ARHGAP42: variants seen among roughly 807,000 people sequenced by gnomAD.
ARHGAP42 encodes Rho GTPase activating protein 42.
Under a neutral mutation model 125.0 loss-of-function variants are expected in ARHGAP42, and 63 were observed. The ratio of observed to expected loss-of-function variants is 0.50; its 90% CI spans 0.41 to 0.62. ARHGAP42 has a LOEUF of 0.62. ARHGAP42 is among the 20% of genes least tolerant of loss of function. The pLI, the probability that ARHGAP42 is intolerant of heterozygous loss-of-function variation, is 0.00. For synonymous variants in ARHGAP42, 339 were observed against 351.0 expected (o/e 0.97, Z 0.38); for missense variants, 766 against 1,024.2 (o/e 0.75, Z 3.44).
chr11:100,730,240 A>T (rs1861933724), intron 1 of ARHGAP42, among the ~76,000 whole-genome samples: 1 of 152,018 alleles, frequency 6.6e-6, no homozygotes, highest in South Asian at 2.1e-4. Context: ...TTTTTAATCA[A>T]GTACAAAGCA....
intron 3 of ARHGAP42, among the ~76,000 whole-genome samples, chr11:100,838,077 G>T (rs1864858308): frequency 6.6e-6 from 1 of 151,846 alleles, no homozygotes; most frequent in Non-Finnish European, 1.5e-5. Context: ...CTGTCTGTTT[G>T]TTTTTGTTTG....
At chr11:100,747,739 G>A (rs1364172340) in intron 1 of ARHGAP42, among the ~76,000 whole-genome samples, 1 of 151,992 alleles carries the variant, frequency 6.6e-6, no homozygotes, top group Admixed American at 6.5e-5. Context: ...TACACACCTT[G>A]CACATAAACT....
chr11:100,732,629 G>C (rs1261850916), intron 1 of ARHGAP42, among the ~76,000 whole-genome samples: 1 of 152,196 alleles, frequency 6.6e-6, no homozygotes, highest in African/African-American at 2.4e-5. Flanking sequence ...TCCTGGACAA[G>C]ATTGATAGGT....
chr11:100,883,351 ATTT>A (rs929458819), intron 4 of ARHGAP42, among the ~76,000 whole-genome samples: 3 of 151,866 alleles, frequency 2.0e-5, no homozygotes, highest in African/African-American at 7.3e-5. Context: ...TTTGTTTTTT[ATTT>A]TTTGAGACAG....
chr11:100,878,544 G>C (rs1419324286), intron 4 of ARHGAP42, among the ~76,000 whole-genome samples: 1 of 152,114 alleles, frequency 6.6e-6, no homozygotes, highest in Non-Finnish European at 1.5e-5. Context: ...TTTGTTTGTG[G>C]GTGAGGGAAA....
At chr11:100,832,248 A>G (rs973806916) in intron 3 of ARHGAP42, among the ~76,000 whole-genome samples, 1 of 152,202 alleles carries the variant, frequency 6.6e-6, no homozygotes, top group Non-Finnish European at 1.5e-5. Context: ...ACTCTGCAGA[A>G]CTGAACGAGG....
chr11:100,767,857 C>A (rs1334029877), intron 1 of ARHGAP42, among the ~76,000 whole-genome samples: 32 of 152,060 alleles, frequency 2.1e-4, no homozygotes, highest in Admixed American at 2.1e-3. Flanking sequence ...AGGGAGAGCA[C>A]CCAGAATTAA....
chr11:100,779,445 C>CA (rs869248095), intron 2 of ARHGAP42, among the ~76,000 whole-genome samples: 2,568 of 54,080 alleles, frequency 0.047, 95 homozygotes, highest in East Asian at 0.12. Flanking sequence ...GACTGCGTCT[C>CA]AAAAAAAAAA....
At chr11:100,792,953 A>G (rs1863603162) in intron 2 of ARHGAP42, among the ~76,000 whole-genome samples, 1 of 151,968 alleles carries the variant, frequency 6.6e-6, no homozygotes, top group Admixed American at 6.6e-5. Context: ...GTGGGGTTTC[A>G]TCGTGTTAGC....
chr11:100,892,620 C>T (rs1016110918), intron 4 of ARHGAP42, among the ~76,000 whole-genome samples: 1 of 152,066 alleles, frequency 6.6e-6, no homozygotes, highest in Non-Finnish European at 1.5e-5. Context: ...TAGTGGCATT[C>T]GTGAAGATGA....
At chr11:100,753,450 G>C (rs1862504893) in intron 1 of ARHGAP42, among the ~76,000 whole-genome samples, 1 of 152,150 alleles carries the variant, frequency 6.6e-6, no homozygotes, top group African/African-American at 2.4e-5. Flanking sequence ...ACAAAGCTGG[G>C]GTGCCCATCT....
chr11:100,864,365 C>T (rs1865518505), intron 4 of ARHGAP42, among the ~76,000 whole-genome samples: 1 of 151,608 alleles, frequency 6.6e-6, no homozygotes, highest in South Asian at 2.1e-4. Context: ...TTGTATTTTT[C>T]GTAGAGAAAA....
At chr11:100,905,020 C>T (rs1866682194) in intron 4 of ARHGAP42, among the ~76,000 whole-genome samples, 1 of 152,180 alleles carries the variant, frequency 6.6e-6, no homozygotes, top group Admixed American at 6.5e-5. Flanking sequence ...TAAAAATCTA[C>T]TTGTGAGCCA....
chr11:100,824,514 C>T (rs558538188), intron 3 of ARHGAP42, among the ~76,000 whole-genome samples: 22 of 152,006 alleles, frequency 1.4e-4, no homozygotes, highest in African/African-American at 4.1e-4. Context: ...ACTGGAGTCC[C>T]GAATACGGAT....
At chr11:100,696,464 C>G (rs1049964589) in intron 1 of ARHGAP42, among the ~76,000 whole-genome samples, 6 of 151,456 alleles carry the variant, frequency 4.0e-5, no homozygotes, top group Non-Finnish European at 7.4e-5. Context: ...AGCAATCCTC[C>G]TGTCTTAGCC....
At chr11:100,973,437 C>A (rs1858307054) in intron 18 of ARHGAP42, 103 bp downstream of exon 18, 1 of 1,146,616 alleles carries the variant, frequency 8.7e-7, no homozygotes, top group Non-Finnish European at 1.2e-6. Flanking sequence ...TAAATTACTT[C>A]TTAATGGGGA....
intron 1 of ARHGAP42, among the ~76,000 whole-genome samples, chr11:100,736,277 T>C (rs925268587): frequency 3.3e-5 from 5 of 151,278 alleles, no homozygotes; most frequent in African/African-American, 1.2e-4. Context: ...CTTTTACATC[T>C]CCGTTTTCCA....
intron 1 of ARHGAP42, among the ~76,000 whole-genome samples, chr11:100,762,017 C>T (rs944619356): frequency 5.9e-5 from 9 of 152,144 alleles, no homozygotes; most frequent in Non-Finnish European, 1.0e-4. Flanking sequence ...GTCTCTCTGA[C>T]GCTTGTGCAG....
chr11:100,831,487 G>C (rs538356159), intron 3 of ARHGAP42, among the ~76,000 whole-genome samples: 154 of 152,190 alleles, frequency 1.0e-3, no homozygotes, highest in African/African-American at 3.6e-3. Flanking sequence ...TTTTTGAGAG[G>C]AGTCAAGAAA....
Sources: gnomAD v4.1 joint callset for allele counts (sites outside exome capture counted in the v4.1 genomes callset) on GRCh38, gnomAD v4.1.1 for gene constraint, MANE v1.5 for transcripts, NCBI Gene and HGNC (gene_info 2026-07-23, HGNC 2026-07-21) for gene names.